SLC10A7: variants seen among roughly 807,000 people sequenced by gnomAD.
SLC10A7 encodes the protein sodium/bile acid cotransporter 7.
SLC10A7 carries 29 observed loss-of-function variants against 43.2 expected under a neutral mutation model. The ratio of observed to expected loss-of-function variants is 0.67; its 90% CI spans 0.50 to 0.92. SLC10A7 has a LOEUF of 0.92. Ranked by LOEUF, SLC10A7 falls within the 40% of genes least tolerant of loss-of-function variation. The probability of loss-of-function intolerance (pLI) is 0.00; values close to 1 mark genes in which losing one functional copy is unlikely to be tolerated. For synonymous variants in SLC10A7, 152 were observed against 144.8 expected (o/e 1.05, Z -0.35); for missense variants, 295 against 403.2 (o/e 0.73, Z 2.30).
chr4:146,309,705 C>A (rs1395185309), intron 6 of SLC10A7, among the ~76,000 whole-genome samples: 1 of 152,150 alleles, frequency 6.6e-6, no homozygotes, highest in Non-Finnish European at 1.5e-5. Context: ...AGTTCACAGA[C>A]CCAAGTAAGG....
chr4:146,475,967 C>A (rs1733986561), intron 4 of SLC10A7, among the ~76,000 whole-genome samples: 2 of 152,188 alleles, frequency 1.3e-5, no homozygotes, highest in Admixed American at 1.3e-4. Flanking sequence ...ATGCATTAAG[C>A]TGCTAAAGGT....
intron 10 of SLC10A7, among the ~76,000 whole-genome samples, chr4:146,264,106 T>C (rs985476579): frequency 6.6e-6 from 1 of 152,254 alleles, no homozygotes; most frequent in Non-Finnish European, 1.5e-5. Flanking sequence ...AAGTAAGAGC[T>C]TTCTTCCTCT....
intron 5 of SLC10A7, among the ~76,000 whole-genome samples, chr4:146,328,031 C>T (rs557084865): frequency 1.3e-5 from 2 of 152,322 alleles, no homozygotes; most frequent in South Asian, 4.1e-4. Flanking sequence ...TAGGGAATGA[C>T]CCACCCTGCT....
chr4:146,273,065 T>A (rs1173405425), intron 10 of SLC10A7, among the ~76,000 whole-genome samples: 1 of 152,176 alleles, frequency 6.6e-6, no homozygotes, highest in East Asian at 1.9e-4. Flanking sequence ...TTATAAGGTA[T>A]TTTTTAGTTT....
In SLC10A7 at chr4:146,355,800, A is replaced by T. The variant is rs1299566247; in HGVS notation, c.436-29804T>A. Among the ~76,000 whole-genome samples, 7 of 142,684 alleles carry T rather than the reference A, an allele frequency of 4.9e-5. 1 individual carries two copies. The highest frequency in any genetic ancestry group is 1.9e-4 in the African/African-American group (7 of 37,754). The allele number at this position is 142,684 out of a possible 152,430, so 93.6% of individuals were successfully genotyped here. A position where few individuals can be genotyped will look rare whatever the true frequency, so the allele number is the denominator to read the frequency against. On this transcript the variant is annotated intron_variant, in intron 5 of 11. Transcript: ENST00000335472. ...AAACTATCGCAAGAACAAAAAACCA[A>T]ACACCGCATATTCTCACTCATAGGT...
At chr4:146,327,823 C>T (rs964963507) in intron 5 of SLC10A7, among the ~76,000 whole-genome samples, 2 of 152,158 alleles carry the variant, frequency 1.3e-5, no homozygotes, top group Non-Finnish European at 2.9e-5. Context: ...GCCACTGCAT[C>T]TAGCGCCCAT....
At chr4:146,465,919 A>G (rs1214903155) in intron 4 of SLC10A7, among the ~76,000 whole-genome samples, 2 of 152,226 alleles carry the variant, frequency 1.3e-5, no homozygotes, top group Non-Finnish European at 2.9e-5. Context: ...TTAACAGCTT[A>G]AATCCAAATT....
At chr4:146,520,027 C>T (rs886252831) in intron 1 of SLC10A7, among the ~76,000 whole-genome samples, 1 of 152,038 alleles carries the variant, frequency 6.6e-6, no homozygotes, top group African/African-American at 2.4e-5. Flanking sequence ...GCAGAAAAGC[C>T]CCACGGAAAT....
At chr4:146,270,162 A>C (rs1227101342) in intron 10 of SLC10A7, among the ~76,000 whole-genome samples, 1 of 152,188 alleles carries the variant, frequency 6.6e-6, no homozygotes, top group African/African-American at 2.4e-5. Context: ...TGATGTCCTG[A>C]TAATCTACTC....
intron 4 of SLC10A7, among the ~76,000 whole-genome samples, chr4:146,446,103 C>A (rs1267726540): frequency 6.6e-6 from 1 of 152,040 alleles, no homozygotes; most frequent in African/African-American, 2.4e-5. Context: ...CCTCTTCTAC[C>A]CAGTATTTCT....
chr4:146,271,862 T>A (rs1728918054), intron 10 of SLC10A7, among the ~76,000 whole-genome samples: 1 of 152,166 alleles, frequency 6.6e-6, no homozygotes, highest in African/African-American at 2.4e-5. Context: ...TTCCCCGAAA[T>A]ATCCACAGGC....
At chr4:146,261,929 T>C (rs1437635213) in intron 10 of SLC10A7, among the ~76,000 whole-genome samples, 2 of 152,206 alleles carry the variant, frequency 1.3e-5, no homozygotes, top group Non-Finnish European at 2.9e-5. Flanking sequence ...TTACTTGTTT[T>C]AGGAAACTTT....
At chr4:146,466,054 G>A (rs966771089) in intron 4 of SLC10A7, among the ~76,000 whole-genome samples, 1 of 152,036 alleles carries the variant, frequency 6.6e-6, no homozygotes, top group African/African-American at 2.4e-5. Context: ...AAAAAAAAGT[G>A]GATGCTTTTA....
chr4:146,378,784 T>C (rs1259315543), intron 5 of SLC10A7, among the ~76,000 whole-genome samples: 4 of 152,202 alleles, frequency 2.6e-5, no homozygotes, highest in Admixed American at 6.5e-5. Flanking sequence ...GGTTTTGTAA[T>C]GGGATTGCAC....
chr4:146,496,549 A>G (rs979481019), intron 4 of SLC10A7, among the ~76,000 whole-genome samples: 5 of 152,074 alleles, frequency 3.3e-5, no homozygotes, highest in African/African-American at 1.2e-4. Flanking sequence ...CCTTTCTCAC[A>G]CTCAGGGGGA....
rs1432340220 is a variant in SLC10A7, at chr4:146,521,617, C to T, written c.100+1G>A. Reference sequence around the variant, plus strand: ...GGAGCCGGCAGAGGTGCAGCACTTACCCCCATTCACCCCTATGGACGGCTC... The same window carrying T: ...GGAGCCGGCAGAGGTGCAGCACTTATCCCCATTCACCCCTATGGACGGCTC... On this transcript the variant is annotated splice_donor_variant, in intron 1 of 11. Coordinates refer to ENST00000335472, the MANE Select transcript of SLC10A7 (RefSeq NM_001029998.6). LOFTEE classifies it high-confidence loss of function. 1 of 1,612,294 alleles carries T rather than the reference C, an allele frequency of 6.2e-7. No individual in the cohort carries two copies. The highest frequency in any genetic ancestry group is 1.3e-5 in the African/African-American group (1 of 74,984).
intron 5 of SLC10A7, among the ~76,000 whole-genome samples, chr4:146,405,148 T>A (rs1022363380): frequency 6.6e-6 from 1 of 152,206 alleles, no homozygotes; most frequent in South Asian, 2.1e-4. Context: ...AATCAGTTTT[T>A]TGCCTCTGTT....
At chr4:146,399,168 CAG>C (rs1164311638) in intron 5 of SLC10A7, among the ~76,000 whole-genome samples, 2 of 151,826 alleles carry the variant, frequency 1.3e-5, no homozygotes, top group African/African-American at 2.4e-5. Context: ...GTTCTAGACA[CAG>C]GGGGTGGCTA....
chr4:146,401,760 A>G lies in SLC10A7; in HGVS notation c.435+41023T>C, dbSNP rs537880685. Among the ~76,000 whole-genome samples the G allele has an allele frequency of 1.8e-4, 27 of 152,328 alleles. No homozygotes were observed. In the South Asian group the frequency reaches 3.5e-3, roughly 20 times the overall value. On this transcript the variant is annotated intron_variant, in intron 5 of 11. Coordinates refer to ENST00000335472, the MANE Select transcript of SLC10A7 (RefSeq NM_001029998.6). ...ACTGTGGATTCCATATGCTTGAAAT[A>G]TATTAAATCGAGAAGAAATAACATG...
Sources: allele counts gnomAD v4.1 joint callset (sites outside exome capture counted in the v4.1 genomes callset), GRCh38; gene constraint gnomAD v4.1.1; transcripts MANE v1.5; gene names NCBI Gene and HGNC (gene_info 2026-07-23, HGNC 2026-07-21).